The following SKAP2 variants were observed in gnomAD, a reference collection of about 807,000 sequenced individuals.
SKAP2 encodes the protein src kinase-associated phosphoprotein 2.
Under a neutral mutation model 54.9 loss-of-function variants are expected in SKAP2, and 28 were observed. That is an observed-to-expected ratio of 0.51 (90% CI 0.38 to 0.70). The LOEUF (loss-of-function observed/expected upper bound fraction) is 0.70, where lower values mean the gene tolerates loss of function less well. Ranked by LOEUF, SKAP2 falls within the 30% of genes least tolerant of loss-of-function variation. The pLI, the probability that SKAP2 is intolerant of heterozygous loss-of-function variation, is 0.00. For missense variants in SKAP2, 356 were observed against 424.1 expected (o/e 0.84, Z 1.41); for synonymous variants, 137 against 134.3 (o/e 1.02, Z -0.14).
chr7:26,730,107 A>T (rs1173157095), intron 6 of SKAP2, among the ~76,000 whole-genome samples: 2 of 152,208 alleles, frequency 1.3e-5, no homozygotes, highest in Non-Finnish European at 2.9e-5. Context: ...AATACAGGAC[A>T]GGAAGTTCAA....
At chr7:26,731,536 G>A (rs1287179859) in intron 6 of SKAP2, among the ~76,000 whole-genome samples, 1 of 152,050 alleles carries the variant, frequency 6.6e-6, no homozygotes, top group African/African-American at 2.4e-5. Context: ...CAATATACTT[G>A]TGACTCATGA....
intron 3 of SKAP2, 125 bp downstream of exon 3, chr7:26,854,012 A>G (rs1785105612): frequency 1.6e-6 from 1 of 642,562 alleles, no homozygotes; most frequent in African/African-American, 1.9e-5. Flanking sequence ...TTGAAGGTCT[A>G]AGTACACATT....
chr7:26,817,379 C>G (rs1024092476), intron 4 of SKAP2, among the ~76,000 whole-genome samples: 1 of 151,768 alleles, frequency 6.6e-6, no homozygotes, highest in African/African-American at 2.4e-5. Flanking sequence ...TTCATGATAA[C>G]GGACACTATT....
chr7:26,817,255 C>G (rs927472271), intron 4 of SKAP2, among the ~76,000 whole-genome samples: 3 of 151,910 alleles, frequency 2.0e-5, no homozygotes, highest in African/African-American at 7.3e-5. Flanking sequence ...TCACACAGGT[C>G]TATAGGTTTA....
chr7:26,857,310 T>TAAAAAAAAAAAAAAAAAAAAAAAAAAAAA (rs59046895), intron 1 of SKAP2: 8 of 91,018 alleles, frequency 8.8e-5, no homozygotes, highest in Admixed American at 1.4e-4. Context: ...CTGCTTTGCT[T>TAAAAAAAAAAAAAAAAAAAAAAAAAAAAA]AAAAAAAAAA....
At chr7:26,803,939 A>T (rs919655365) in intron 4 of SKAP2, among the ~76,000 whole-genome samples, 4 of 152,202 alleles carry the variant, frequency 2.6e-5, no homozygotes, top group African/African-American at 9.6e-5. Flanking sequence ...ACTCATAGAC[A>T]CGGAGTGTAG....
At chr7:26,750,117 A>G (rs1167358722) in intron 4 of SKAP2, among the ~76,000 whole-genome samples, 1 of 152,078 alleles carries the variant, frequency 6.6e-6, no homozygotes, top group Non-Finnish European at 1.5e-5. Flanking sequence ...CTGAAATGCT[A>G]TGTTCCACTG....
rs563316415 is a variant in SKAP2 at position 26,711,587 on chromosome 7, G to A, written c.796+13841C>T. 4.6e-5 allele frequency among the ~76,000 whole-genome samples: 7 copies of A among 152,324 alleles called. No individual in the cohort carries two copies. The South Asian group carries it at 1.2e-3, about 27-fold the overall frequency. ...CAGTTGATGAAGGCAGTCCAGGGAA[G>A]GGCTAAGGGTTAGTGAAGAGTTCAG... On this transcript the variant is annotated intron_variant, in intron 9 of 12. Transcript: ENST00000345317.
chr7:26,681,470 A>C (rs901092531), intron 11 of SKAP2, among the ~76,000 whole-genome samples: 2 of 152,112 alleles, frequency 1.3e-5, no homozygotes, highest in Non-Finnish European at 2.9e-5. Flanking sequence ...CAAAAAACAA[A>C]ATTAAAACAC....
At chr7:26,769,481 C>A (rs1783136621) in intron 4 of SKAP2, among the ~76,000 whole-genome samples, 1 of 152,186 alleles carries the variant, frequency 6.6e-6, no homozygotes, top group Admixed American at 6.5e-5. Context: ...CACTCTCCAT[C>A]CAGTTTTGTT....
chr7:26,833,692 C>A (rs149206581), intron 4 of SKAP2, among the ~76,000 whole-genome samples: 84 of 152,154 alleles, frequency 5.5e-4, no homozygotes, highest in African/African-American at 2.0e-3. Flanking sequence ...TATATATGCA[C>A]CCAATACAGG....
At chr7:26,720,051 AAC>A (rs57945020) in intron 9 of SKAP2, among the ~76,000 whole-genome samples, 45,706 of 141,352 alleles carry the variant, frequency 0.32, 7,739 homozygotes, top group East Asian at 0.65. Flanking sequence ...ACATATCTGT[AAC>A]ACACACACAC....
intron 9 of SKAP2, among the ~76,000 whole-genome samples, chr7:26,706,980 A>T (rs1436414433): frequency 2.0e-5 from 3 of 152,224 alleles, no homozygotes; most frequent in Non-Finnish European, 2.9e-5. Flanking sequence ...AGCATTAAGC[A>T]GCTAATTGGG....
intron 9 of SKAP2, among the ~76,000 whole-genome samples, chr7:26,695,745 G>C (rs1363421590): frequency 6.6e-6 from 1 of 152,070 alleles, no homozygotes; most frequent in Non-Finnish European, 1.5e-5. Context: ...TTGCAACCAG[G>C]GCTGCCCAAA....
intron 6 of SKAP2, among the ~76,000 whole-genome samples, chr7:26,730,270 A>C (rs993144410): frequency 1.3e-5 from 2 of 152,250 alleles, no homozygotes; most frequent in Admixed American, 6.5e-5. Flanking sequence ...GGATAGTTTC[A>C]AGGATACCTG....
intron 9 of SKAP2, among the ~76,000 whole-genome samples, chr7:26,695,022 T>C (rs1786866921): frequency 6.6e-6 from 1 of 152,084 alleles, no homozygotes; most frequent in Non-Finnish European, 1.5e-5. Context: ...TGACACTGCT[T>C]GAAAAAAGGT....
chr7:26,725,357 A>AACAC lies in SKAP2; in HGVS notation c.796+67_796+70dup, dbSNP rs112271894. 2.3e-4 allele frequency: 259 copies of AACAC among 1,115,520 alleles called. No homozygotes were observed. In the African/African-American group the frequency reaches 2.6e-3, roughly 11 times the overall value. The allele number at this position is 1,115,520 out of a possible 1,614,324, so 69.1% of individuals were successfully genotyped here. On this transcript the variant is annotated intron_variant, in intron 9 of 12. Coordinates refer to ENST00000345317, the MANE Select transcript of SKAP2 (RefSeq NM_003930.5). ...CTGTCGAGGACAAATCACACACACA[A>AACAC]ACACACACACACACTCACACACACA...
chr7:26,836,867 A>G (rs563410542), intron 4 of SKAP2, among the ~76,000 whole-genome samples: 2 of 152,324 alleles, frequency 1.3e-5, no homozygotes, highest in Admixed American at 1.3e-4. Flanking sequence ...AAATCATTCT[A>G]CTATAAAGAT....
intron 4 of SKAP2, among the ~76,000 whole-genome samples, chr7:26,744,974 T>G (rs937363962): frequency 6.6e-6 from 1 of 152,202 alleles, no homozygotes; most frequent in Non-Finnish European, 1.5e-5. Context: ...TATTTTATCA[T>G]CAATAATTCA....
Sources: gnomAD v4.1 joint callset for allele counts (sites outside exome capture counted in the v4.1 genomes callset) on GRCh38, gnomAD v4.1.1 for gene constraint, MANE v1.5 for transcripts, NCBI Gene and HGNC (gene_info 2026-07-23, HGNC 2026-07-21) for gene names.